The following TLL1 variants were observed in gnomAD, a reference collection of about 807,000 sequenced individuals.
TLL1 encodes the protein tolloid-like protein 1.
TLL1 carries 49 observed loss-of-function variants against 128.2 expected under a neutral mutation model. The ratio of observed to expected loss-of-function variants is 0.38; its 90% CI spans 0.30 to 0.48. The LOEUF (loss-of-function observed/expected upper bound fraction) is 0.48, where lower values mean the gene tolerates loss of function less well. Among genes scored for constraint, TLL1 ranks in the 20% least tolerant of loss-of-function variants. The pLI, the probability that TLL1 is intolerant of heterozygous loss-of-function variation, is 0.96. For missense variants in TLL1, 1,123 were observed against 1,242.0 expected (o/e 0.90, Z 1.44); for synonymous variants, 454 against 418.8 (o/e 1.08, Z -1.03).
intron 1 of TLL1, among the ~76,000 whole-genome samples, chr4:165,894,462 T>C (rs1305548610): frequency 6.6e-6 from 1 of 152,114 alleles, no homozygotes; most frequent in Admixed American, 6.6e-5. Flanking sequence ...CAACTTAGAG[T>C]TCTCTACCCA....
chr4:165,966,798 C>A (rs532236635), intron 1 of TLL1, among the ~76,000 whole-genome samples: 332 of 152,144 alleles, frequency 2.2e-3, no homozygotes, highest in Non-Finnish European at 3.3e-3. Context: ...CAAATGGGGG[C>A]AGAGAGAGAT....
At chr4:165,969,465 A>G (rs544754606) in intron 1 of TLL1, among the ~76,000 whole-genome samples, 48 of 152,252 alleles carry the variant, frequency 3.2e-4, no homozygotes, top group Admixed American at 3.1e-3. Flanking sequence ...CATTATAAGT[A>G]TTTATACGTA....
At chr4:166,017,829 C>A (rs967195635) in intron 8 of TLL1, among the ~76,000 whole-genome samples, 2 of 152,042 alleles carry the variant, frequency 1.3e-5, no homozygotes, top group African/African-American at 4.8e-5. Flanking sequence ...GTTTAAGGTT[C>A]TTCTTTTCCT....
chr4:165,929,443 G>T (rs2110902423), intron 1 of TLL1, among the ~76,000 whole-genome samples: 1 of 151,982 alleles, frequency 6.6e-6, no homozygotes, highest in East Asian at 1.9e-4. Flanking sequence ...AGAGGCTGAG[G>T]CAGGAGAACC....
intron 1 of TLL1, among the ~76,000 whole-genome samples, chr4:165,967,329 A>G (rs940252993): frequency 6.6e-6 from 1 of 152,166 alleles, no homozygotes; most frequent in Non-Finnish European, 1.5e-5. Context: ...GAGGTGACAT[A>G]CATCCTCAGC....
rs1366022887 is a variant in TLL1, at chr4:165,989,354, AT to A, written c.170-23del. 7 of 1,517,070 alleles carry A rather than the reference AT, an allele frequency of 4.6e-6. No homozygotes were observed. In the Admixed American group the frequency reaches 1.2e-4, roughly 25 times the overall value. 94.0% of individuals were successfully genotyped at this position (1,517,070 alleles called of 1,614,324 possible). On this transcript the variant is annotated intron_variant, in intron 1 of 20. Coordinates refer to ENST00000061240, the MANE Select transcript of TLL1 (RefSeq NM_012464.5). Reference sequence around the variant, plus strand: ...TATTGATTTCACGGAAATATTTTACATTTTAATTCAACTTTTCTTTTTTTAG... The same window carrying A: ...TATTGATTTCACGGAAATATTTTACATTTAATTCAACTTTTCTTTTTTTAG...
intron 1 of TLL1, among the ~76,000 whole-genome samples, chr4:165,944,598 A>G (rs1388272519): frequency 6.6e-6 from 1 of 152,096 alleles, no homozygotes; most frequent in African/African-American, 2.4e-5. Flanking sequence ...GGAGATGACA[A>G]AGTGAATTTT....
At chr4:165,889,874 C>T (rs1353700800) in intron 1 of TLL1, among the ~76,000 whole-genome samples, 2 of 152,050 alleles carry the variant, frequency 1.3e-5, no homozygotes, top group Admixed American at 1.3e-4. Flanking sequence ...TTTAATAATA[C>T]AACTTTGACC....
At chr4:165,972,665 T>C (rs1735679487) in intron 1 of TLL1, among the ~76,000 whole-genome samples, 1 of 152,196 alleles carries the variant, frequency 6.6e-6, no homozygotes, top group African/African-American at 2.4e-5. Flanking sequence ...GGGTCAGTGT[T>C]CCTGCATGTG....
intron 8 of TLL1, among the ~76,000 whole-genome samples, chr4:166,019,200 G>A (rs1420524642): frequency 6.6e-6 from 1 of 152,114 alleles, no homozygotes; most frequent in African/African-American, 2.4e-5. Context: ...AACTAACACA[G>A]GCATAGAAAA....
At chr4:165,875,119 C>G (rs559943792) in intron 1 of TLL1, 2 of 152,412 alleles carry the variant, frequency 1.3e-5, no homozygotes, top group African/African-American at 4.8e-5. Flanking sequence ...GCGGAAGGCA[C>G]GTTAGGTTCC....
chr4:166,076,347 G>T (rs1231965380), intron 17 of TLL1, among the ~76,000 whole-genome samples: 1 of 151,888 alleles, frequency 6.6e-6, no homozygotes, highest in Admixed American at 6.6e-5. Flanking sequence ...TGCTGGGATC[G>T]CAGGCATGAG....
intron 1 of TLL1, among the ~76,000 whole-genome samples, chr4:165,987,664 A>T (rs1736449533): frequency 6.6e-6 from 1 of 152,112 alleles, no homozygotes; most frequent in South Asian, 2.1e-4. Flanking sequence ...CCTACATTTT[A>T]CTAATTTCTA....
intron 1 of TLL1, among the ~76,000 whole-genome samples, chr4:165,932,711 AGT>A (rs1412777949): frequency 1.3e-5 from 2 of 152,020 alleles, no homozygotes; most frequent in Non-Finnish European, 2.9e-5. Context: ...TTGTCAGAAA[AGT>A]GTTTAAAACA....
chr4:165,988,001 T>G (rs189439615), intron 1 of TLL1, among the ~76,000 whole-genome samples: 150 of 152,244 alleles, frequency 9.9e-4, no homozygotes, highest in African/African-American at 3.3e-3. Context: ...TAAAGAAAAT[T>G]GGTAAACCTG....
At chr4:165,917,442 G>C (rs1192723314) in intron 1 of TLL1, among the ~76,000 whole-genome samples, 1 of 152,038 alleles carries the variant, frequency 6.6e-6, no homozygotes, top group Non-Finnish European at 1.5e-5. Context: ...TATAAAATGG[G>C]AATAATACTA....
chr4:166,013,809 C>A (rs1205225178), intron 7 of TLL1, among the ~76,000 whole-genome samples: 1 of 151,584 alleles, frequency 6.6e-6, no homozygotes, highest in Non-Finnish European at 1.5e-5. Context: ...CATTATTATG[C>A]CATTGATTAG....
intron 8 of TLL1, among the ~76,000 whole-genome samples, chr4:166,015,855 A>T (rs1316672677): frequency 7.1e-6 from 1 of 140,460 alleles, no homozygotes; most frequent in African/African-American, 2.5e-5. Flanking sequence ...GTAAGAAATT[A>T]TGTTTTTTTT....
At chr4:166,078,426 T>C (rs1503299) in intron 18 of TLL1, among the ~76,000 whole-genome samples, 9,873 of 152,254 alleles carry the variant, frequency 0.065, 549 homozygotes, top group African/African-American at 0.15. Context: ...CTACTGGTTA[T>C]GCCAATTGCA....
Sources: allele counts gnomAD v4.1 joint callset (sites outside exome capture counted in the v4.1 genomes callset), GRCh38; gene constraint gnomAD v4.1.1; transcripts MANE v1.5; gene names NCBI Gene and HGNC (gene_info 2026-07-23, HGNC 2026-07-21).